The following APOLD1 variants were observed in gnomAD, a reference collection of about 807,000 sequenced individuals.
APOLD1 encodes the protein apolipoprotein L domain-containing protein 1.
APOLD1 carries 22 observed loss-of-function variants against 15.3 expected under a neutral mutation model. The ratio of observed to expected loss-of-function variants is 1.44; its 90% CI spans 1.03 to 2.05. APOLD1 has a LOEUF of 2.05. APOLD1 is among the 30% of genes most tolerant of loss of function. APOLD1 has a pLI of 0.00. For missense variants in APOLD1, 394 were observed against 353.5 expected, an observed-to-expected ratio of 1.11 and a Z score of -0.92; for synonymous variants, 190 against 167.4, an observed-to-expected ratio of 1.13 and a Z score of -1.04.
chr12:12,745,241 C>T (rs1946756705), intron 1 of APOLD1, among the ~76,000 whole-genome samples: 1 of 152,160 alleles, frequency 6.6e-6, no homozygotes. Flanking sequence ...GAGAATTTTA[C>T]AAGGAGAAGA....
chr12:12,786,186 G>A (rs117987857), intron 1 of APOLD1, among the ~76,000 whole-genome samples: 132 of 152,228 alleles, frequency 8.7e-4, no homozygotes, highest in Non-Finnish European at 1.8e-3. Context: ...TCATAACAAA[G>A]AGACATAATG....
At chr12:12,758,053 GTAGC>G (rs1946869812) in intron 1 of APOLD1, among the ~76,000 whole-genome samples, 1 of 143,186 alleles carries the variant, frequency 7.0e-6, no homozygotes, top group African/African-American at 2.6e-5. Context: ...AGCCTCCCAA[GTAGC>G]TGGGACTACA....
At chr12:12,748,307 T>C (rs1370498767) in intron 1 of APOLD1, among the ~76,000 whole-genome samples, 1 of 152,200 alleles carries the variant, frequency 6.6e-6, no homozygotes, top group African/African-American at 2.4e-5. Flanking sequence ...ATTCCTCTTT[T>C]ATGTTGTTTT....
chr12:12,787,217 G>A lies in APOLD1; in HGVS notation c.312G>A (p.Thr104=), dbSNP rs199912165. ...CAGCCGGAGGGGCCGTCACCATCAC[G>A]TCCGATCTCTCGCTGATCTTCTGCA... is the stretch of plus-strand genomic sequence containing the variant. ...VATAGGAVTI[T]SDLSLIFCNS... is the part of the protein sequence containing the mutation. Residue 104 remains threonine (T), a synonymous_variant, in exon 2 of 2, where the codon ACG becomes ACA. Coordinates refer to ENST00000356591, the MANE Select transcript of APOLD1 (RefSeq NM_030817.3). This position sits in a 1 kb window ranked among gnomAD's most constrained non-coding sequence, Gnocchi z 4.9. 1.9e-6 allele frequency: 3 copies of A among 1,561,864 alleles called. No individual in the cohort carries two copies. The African/African-American group carries it at 4.0e-5, about 21-fold the overall frequency.
At position 12,746,496 on chromosome 12, in the gene APOLD1, C is replaced by CAAAT. The variant is rs757082166; in HGVS notation, c.96+20418_96+20421dup. On this transcript the variant is annotated intron_variant, in intron 1 of 1. Transcript: ENST00000326765. ...GGGCAACAAGAGTGAAACTCCATCT[C>CAAAT]AAATAAATAAATAAATAAATACATA... Among the ~76,000 whole-genome samples the CAAAT allele has an allele frequency of 5.9e-3, 829 of 140,024 alleles. 11 individuals carry two copies. The highest frequency in any genetic ancestry group is 0.019 in the South Asian group (87 of 4,628). 91.9% of individuals were successfully genotyped at this position (140,024 alleles called of 152,430 possible). A position where few individuals can be genotyped will look rare whatever the true frequency, so the allele number is the denominator to read the frequency against.
At chr12:12,727,176 A>G (rs1266262014) in intron 1 of APOLD1, among the ~76,000 whole-genome samples, 1 of 152,186 alleles carries the variant, frequency 6.6e-6, no homozygotes, top group Non-Finnish European at 1.5e-5. Context: ...TGGCTATTTG[A>G]GCGCTTGAAT....
chr12:12,739,289 G>A (rs917959853), intron 1 of APOLD1, among the ~76,000 whole-genome samples: 3 of 152,216 alleles, frequency 2.0e-5, no homozygotes, highest in African/African-American at 7.2e-5. Context: ...TTCTGCTATC[G>A]TCAAGTGGCC....
At chr12:12,782,085 C>T (rs1489366162), upstream of APOLD1, among the ~76,000 whole-genome samples, 1 of 151,730 alleles carries the variant, frequency 6.6e-6, no homozygotes, top group African/African-American at 2.4e-5. Flanking sequence ...AATGTGAAAC[C>T]CCATCTATAC....
In APOLD1 at chr12:12,787,139, G is replaced by T. The variant is rs549534876; in HGVS notation, c.234G>T (p.Pro78=). The T allele has an allele frequency of 1.3e-6, 2 of 1,490,438 alleles. No homozygotes were observed. Among genetic ancestry groups the T allele is most frequent in the South Asian group, 1.3e-5 (1 of 75,224 alleles). 92.3% of individuals were successfully genotyped at this position (1,490,438 alleles called of 1,614,324 possible). A position where few individuals can be genotyped will look rare whatever the true frequency, so the allele number is the denominator to read the frequency against. Residue 78 remains proline (P), a synonymous_variant, in exon 2 of 2, where the codon CCG becomes CCT. Coordinates refer to ENST00000356591, the MANE Select transcript of APOLD1 (RefSeq NM_030817.3). This position sits in a 1 kb window ranked among gnomAD's most constrained non-coding sequence, Gnocchi z 4.9. ...CCATCGTGGGGCTCTCGCTCAGCCC[G>T]GTCACCCTGGGGACCTCGCTGCTGG... is the stretch of plus-strand genomic sequence containing the variant. ...LAAIVGLSLS[P]VTLGTSLLVS... is the part of the protein sequence containing the mutation.
chr12:12,777,923 T>TTTTGTTGTTG (rs1555092183), intron 1 of APOLD1, among the ~76,000 whole-genome samples: 6 of 121,564 alleles, frequency 4.9e-5, no homozygotes, highest in African/African-American at 2.0e-4. Context: ...TTTTTTTTTT[T>TTTTGTTGTTG]TTGTTGTTGT....
intron 1 of APOLD1, among the ~76,000 whole-genome samples, chr12:12,761,835 A>ATATATATC (rs1565432774): frequency 8.1e-6 from 1 of 123,388 alleles, no homozygotes; most frequent in African/African-American, 4.6e-5. Context: ...ATGTATAGAG[A>ATATATATC]GAGAGAGAGA....
chr12:12,773,153 G>C (rs1684714618), intron 1 of APOLD1, among the ~76,000 whole-genome samples: 1 of 152,168 alleles, frequency 6.6e-6, no homozygotes, highest in Non-Finnish European at 1.5e-5. Context: ...AGTGCTTACA[G>C]GGAAATTTTT....
At chr12:12,751,836 C>A (rs544711679) in intron 1 of APOLD1, among the ~76,000 whole-genome samples, 1 of 152,238 alleles carries the variant, frequency 6.6e-6, no homozygotes, top group Admixed American at 6.5e-5. Context: ...CAATATAATC[C>A]ATTGATCTCT....
intron 1 of APOLD1, among the ~76,000 whole-genome samples, chr12:12,728,222 C>T (rs1946609037): frequency 6.6e-6 from 1 of 152,152 alleles, no homozygotes; most frequent in African/African-American, 2.4e-5. Flanking sequence ...ACACCTTGGC[C>T]TCCCAAAGTG....
intron 1 of APOLD1, among the ~76,000 whole-genome samples, chr12:12,761,639 A>C (rs116028640): frequency 6.6e-6 from 1 of 152,036 alleles, no homozygotes; most frequent in African/African-American, 2.4e-5. Context: ...AGTTGAAAAT[A>C]TGATAAATGT....
At chr12:12,778,528 G>C (rs1192941902) in intron 1 of APOLD1, among the ~76,000 whole-genome samples, 6 of 149,714 alleles carry the variant, frequency 4.0e-5, no homozygotes, top group Non-Finnish European at 8.9e-5. Flanking sequence ...GGTTCTCACT[G>C]TGTTGCCCAG....
chr12:12,742,402 C>T (rs915951008), intron 1 of APOLD1, among the ~76,000 whole-genome samples: 2 of 152,176 alleles, frequency 1.3e-5, no homozygotes, highest in African/African-American at 4.8e-5. Context: ...TGCCTCTAAG[C>T]CTCCTTTGAT....
chr12:12,730,077 TGA>T (rs146075502), intron 1 of APOLD1, among the ~76,000 whole-genome samples: 45 of 81,600 alleles, frequency 5.5e-4, no homozygotes, highest in Non-Finnish European at 8.1e-4. Flanking sequence ...TGTGTGTGTG[TGA>T]GAGAGAGAGA....
At chr12:12,775,203 C>T (rs1313139464) in intron 1 of APOLD1, among the ~76,000 whole-genome samples, 1 of 152,170 alleles carries the variant, frequency 6.6e-6, no homozygotes, top group Non-Finnish European at 1.5e-5. Flanking sequence ...TCTGAAAAGG[C>T]TACATGCTGT....
Sources: allele counts gnomAD v4.1 joint callset (sites outside exome capture counted in the v4.1 genomes callset), GRCh38; gene constraint gnomAD v4.1.1; non-coding constraint Gnocchi (gnomAD v3.1); transcripts MANE v1.5; gene names NCBI Gene and HGNC (gene_info 2026-07-23, HGNC 2026-07-21).